Variants in RSPRY1 observed in about 807,000 individuals in gnomAD.
RSPRY1 encodes RING finger and SPRY domain-containing protein 1.
In RSPRY1, 23 loss-of-function variants were observed where a neutral mutation model predicts 73.1. That is an observed-to-expected ratio of 0.31 (90% CI 0.23 to 0.45). The LOEUF (loss-of-function observed/expected upper bound fraction) is 0.45. Among genes scored for constraint, RSPRY1 ranks in the 20% least tolerant of loss-of-function variants. The pLI, the probability that RSPRY1 is intolerant of heterozygous loss-of-function variation, is 1.00. For missense variants in RSPRY1, 448 were observed against 698.7 expected, an observed-to-expected ratio of 0.64 and a Z score of 4.05; for synonymous variants, 226 against 251.4, an observed-to-expected ratio of 0.90 and a Z score of 0.95.
In RSPRY1 at chr16:57,195,436, G is replaced by A. The variant is rs1400034465; in HGVS notation, c.-156+8985G>A. Among the ~76,000 whole-genome samples the A allele has an allele frequency of 3.9e-5, 6 of 152,146 alleles. No homozygotes were observed. The East Asian group carries it at 5.8e-4, about 15-fold the overall frequency. ...CCGAGGCAGGAGAATCGCCTGAACC[G>A]GGGAGATGGAGGTTGCAGTGAGCCA... is the stretch of plus-strand genomic sequence containing the variant. On this transcript the variant is annotated intron_variant, in intron 1 of 14. Coordinates refer to ENST00000394420, the MANE Select transcript of RSPRY1 (RefSeq NM_133368.3).
intron 4 of RSPRY1, among the ~76,000 whole-genome samples, chr16:57,211,422 T>C (rs1387849604): frequency 6.6e-6 from 1 of 151,944 alleles, no homozygotes; most frequent in Non-Finnish European, 1.5e-5. Flanking sequence ...ATACAAAAAT[T>C]AGCCAGCACG....
At position 57,204,505 on chromosome 16, in the gene RSPRY1, A is replaced by G. The variant is rs141535938; in HGVS notation, c.-154A>G. 1.3e-3 allele frequency: 836 copies of G among 659,804 alleles called. 6 individuals are homozygous for G. The African/African-American group carries it at 0.013, about 11-fold the overall frequency. The allele number at this position is 659,804 out of a possible 1,614,324, so 40.9% of individuals were successfully genotyped here. A position where few individuals can be genotyped will look rare whatever the true frequency, so the allele number is the denominator to read the frequency against. ...TTCCTTTTTCTCATTTTCTTTTAGA[A>G]CTGCCATTGGATGTCCAGAATCCCC... On this transcript the variant is annotated splice_region_variant and 5_prime_UTR_variant, in exon 2 of 15. Transcript: ENST00000394420.
intron 7 of RSPRY1, chr16:57,216,642 C>G: frequency 2.3e-6 from 1 of 433,588 alleles, no homozygotes; most frequent in African/African-American, 2.0e-5. Context: ...ATCACTTGAG[C>G]CCAGTAGTTC....
intron 13 of RSPRY1, among the ~76,000 whole-genome samples, chr16:57,231,733 C>A (rs2075223965): frequency 6.6e-6 from 1 of 151,928 alleles, no homozygotes; most frequent in African/African-American, 2.4e-5. Flanking sequence ...GTGTCAAAAT[C>A]CTAAATATTA....
chr16:57,240,353 ACAC>A lies in RSPRY1; in HGVS notation c.*1379_*1381del, dbSNP rs2075359243. 6.6e-6 allele frequency: 1 copy of A among 150,676 alleles called. No homozygotes were observed. Among genetic ancestry groups the A allele is most frequent in the Non-Finnish European group, 1.5e-5 (1 of 67,698 alleles). The allele number at this position is 150,676 out of a possible 1,614,324, so 9.3% of individuals were successfully genotyped here. ...CTTCCATAAATCCACACACACACAC[ACAC>A]ACAAAAAATATATATATATATAAAT... On this transcript the variant is annotated 3_prime_UTR_variant, in exon 15 of 15. Coordinates refer to ENST00000394420, the MANE Select transcript of RSPRY1 (RefSeq NM_133368.3).
At position 57,235,178 on chromosome 16, in the gene RSPRY1, C is replaced by T. The variant is rs1313658245; in HGVS notation, c.1584C>T (p.Ser528=). The change falls in exon 14 of 15, where the codon TCC becomes TCT. Residue 528 remains serine, a synonymous_variant. Transcript: ENST00000394420. ...KQVSIRENCC[S]LCCDEVADTQ... ...TCAGTATCCGAGAAAACTGCTGTTC[C>T]CTTTGTTGTGATGAGGTAGCAGACA... The T allele has an allele frequency of 1.2e-6, 2 of 1,614,136 alleles. No individual in the cohort carries two copies. Among genetic ancestry groups the T allele is most frequent in the East Asian group, 2.2e-5 (1 of 44,880 alleles).
rs11859493 is a variant in RSPRY1 at position 57,213,742 on chromosome 16, A to G, written c.644-146A>G. ...GCTCACTTGCTTAACTGTGAAATGGAGCTAGTACTATTTTCTACCTCAGAG... is the reference window on the plus strand; with the variant it reads ...GCTCACTTGCTTAACTGTGAAATGGGGCTAGTACTATTTTCTACCTCAGAG... On this transcript the variant is annotated intron_variant, in intron 5 of 14. Coordinates refer to ENST00000394420, the MANE Select transcript of RSPRY1 (RefSeq NM_133368.3). 68,216 of 669,014 alleles carry G rather than the reference A, an allele frequency of 0.1. 4,912 individuals are homozygous for G. The highest frequency in any genetic ancestry group is 0.23 in the East Asian group (9,125 of 38,910). 41.4% of individuals were successfully genotyped at this position (669,014 alleles called of 1,614,324 possible).
chr16:57,199,895 G>GTTTTTTTTTTTCTTTTTTTTTTTTTTTT (rs2074531626), intron 1 of RSPRY1, among the ~76,000 whole-genome samples: 2 of 106,254 alleles, frequency 1.9e-5, no homozygotes, highest in Admixed American at 1.1e-4. Flanking sequence ...TTTTTTGTTT[G>GTTTTTTTTTTTCTTTTTTTTTTTTTTTT]TTTTTTTTTT....
chr16:57,219,635 T>A (rs2075003197), intron 8 of RSPRY1: 1 of 152,218 alleles, frequency 6.6e-6, no homozygotes, highest in East Asian at 1.9e-4. Context: ...GTTGATCATT[T>A]CCTTTGCTGT....
At chr16:57,225,613 TTTTCAA>T (rs2075109065) in intron 10 of RSPRY1, among the ~76,000 whole-genome samples, 2 of 152,244 alleles carry the variant, frequency 1.3e-5, no homozygotes, top group South Asian at 4.1e-4. Context: ...GATTTGGCCA[TTTTCAA>T]TTTCTTTCTC....
At chr16:57,192,025 G>A (rs757638926) in intron 1 of RSPRY1, among the ~76,000 whole-genome samples, 1 of 152,156 alleles carries the variant, frequency 6.6e-6, no homozygotes, top group Non-Finnish European at 1.5e-5. Context: ...ATTGAATGGT[G>A]TTGTCTCAGT....
Position 57,211,713 on chromosome 16 carries a change from C to CT in RSPRY1, c.517-1248dup, listed in dbSNP as rs1199913614. 2.9e-4 allele frequency among the ~76,000 whole-genome samples: 42 copies of CT among 147,186 alleles called. No individual in the cohort carries two copies. The Middle Eastern group carries it at 0.011, about 38-fold the overall frequency. On this transcript the variant is annotated intron_variant, in intron 4 of 14. Coordinates refer to ENST00000394420, the MANE Select transcript of RSPRY1 (RefSeq NM_133368.3). ...GCTTTCCCATGTGTTTTACAGAGTC[C>CT]TTTTTTTTTTTCTTTTTTTCTTCTT... is the stretch of plus-strand genomic sequence containing the variant.
chr16:57,233,845 G>A (rs2075263069), intron 13 of RSPRY1, among the ~76,000 whole-genome samples: 1 of 152,042 alleles, frequency 6.6e-6, no homozygotes, highest in Non-Finnish European at 1.5e-5. Context: ...CTGCTACCAT[G>A]GTCCAAGCCT....
chr16:57,206,261 C>A (rs1287623777), intron 2 of RSPRY1, among the ~76,000 whole-genome samples: 1 of 152,032 alleles, frequency 6.6e-6, no homozygotes, highest in Non-Finnish European at 1.5e-5. Context: ...TAAAAATTAT[C>A]CAGGTACAGT....
intron 4 of RSPRY1, among the ~76,000 whole-genome samples, chr16:57,210,879 A>G (rs745357553): frequency 6.6e-6 from 1 of 151,674 alleles, no homozygotes; most frequent in South Asian, 2.1e-4. Flanking sequence ...TTAACAGGGT[A>G]ACGTGGTGCA....
In RSPRY1 at chr16:57,233,191, CTCTG is replaced by C. The variant is rs569676871; in HGVS notation, c.1529+1878_1529+1881del. 2.3e-3 allele frequency among the ~76,000 whole-genome samples: 356 copies of C among 152,264 alleles called. 2 individuals are homozygous for C. The highest frequency in any genetic ancestry group is 7.8e-3 in the African/African-American group (324 of 41,546). On this transcript the variant is annotated intron_variant, in intron 13 of 14. Coordinates refer to ENST00000394420, the MANE Select transcript of RSPRY1 (RefSeq NM_133368.3). ...TAAATTGTTCTGTGTTGTATATACT[CTCTG>C]TCTGTAATTCTTCCATTCATTCTTT...
intron 10 of RSPRY1, among the ~76,000 whole-genome samples, chr16:57,225,734 A>G (rs1161262179): frequency 6.6e-6 from 1 of 152,218 alleles, no homozygotes; most frequent in Non-Finnish European, 1.5e-5. Flanking sequence ...GATCTCAGCC[A>G]CCCTTTTATT....
chr16:57,196,636 A>G (rs1302468502), intron 1 of RSPRY1, among the ~76,000 whole-genome samples: 1 of 152,196 alleles, frequency 6.6e-6, no homozygotes, highest in African/African-American at 2.4e-5. Flanking sequence ...CCCTCCCAAG[A>G]TTCTCTGTCT....
At chr16:57,231,448 C>A in intron 13 of RSPRY1, 129 bp downstream of exon 13, 1 of 862,590 alleles carries the variant, frequency 1.2e-6, no homozygotes, top group Non-Finnish European at 1.7e-6. Flanking sequence ...GATGACTTTT[C>A]AGGAAATATA....
Sources: gnomAD v4.1 joint callset for allele counts (sites outside exome capture counted in the v4.1 genomes callset) on GRCh38, gnomAD v4.1.1 for gene constraint, MANE v1.5 for transcripts, NCBI Gene and HGNC (gene_info 2026-07-23, HGNC 2026-07-21) for gene names.